KCNH8: variants seen among roughly 807,000 people sequenced by gnomAD.
The protein encoded by KCNH8 is voltage-gated delayed rectifier potassium channel KCNH8.
Under a neutral mutation model 103.6 loss-of-function variants are expected in KCNH8, and 70 were observed. The ratio of observed to expected loss-of-function variants is 0.68; its 90% CI spans 0.56 to 0.82. The LOEUF (loss-of-function observed/expected upper bound fraction) is 0.82. Ranked by LOEUF, KCNH8 falls within the 40% of genes least tolerant of loss-of-function variation. The pLI is 0.00. For synonymous variants in KCNH8, 498 were observed against 489.4 expected (o/e 1.02, Z -0.23); for missense variants, 1,217 against 1,329.9 (o/e 0.92, Z 1.32).
chr3:19,433,972 T>C (rs987577488), intron 7 of KCNH8, among the ~76,000 whole-genome samples: 3 of 152,168 alleles, frequency 2.0e-5, no homozygotes, highest in African/African-American at 7.2e-5. Context: ...GAAAAATTTA[T>C]AGTTTAGTTA....
chr3:19,308,469 A>C (rs1057097270), intron 3 of KCNH8, among the ~76,000 whole-genome samples: 6 of 151,880 alleles, frequency 4.0e-5, no homozygotes, highest in Non-Finnish European at 8.8e-5. Context: ...AGGTTTGTCC[A>C]TTCAAAAAAA....
intron 7 of KCNH8, among the ~76,000 whole-genome samples, chr3:19,418,820 AGC>A (rs1179444213): frequency 6.6e-6 from 1 of 152,256 alleles, no homozygotes; most frequent in African/African-American, 2.4e-5. Flanking sequence ...GTTTTCATCC[AGC>A]TGCACATTCT....
intron 1 of KCNH8, among the ~76,000 whole-genome samples, chr3:19,213,763 T>C (rs529835432): frequency 6.6e-6 from 1 of 152,172 alleles, no homozygotes; most frequent in Non-Finnish European, 1.5e-5. Flanking sequence ...TCGTTCTCAG[T>C]AGAGGGTGCT....
At chr3:19,380,808 T>C (rs557611243) in intron 5 of KCNH8, among the ~76,000 whole-genome samples, 2 of 152,338 alleles carry the variant, frequency 1.3e-5, no homozygotes, top group African/African-American at 4.8e-5. Flanking sequence ...ATTGATCTTT[T>C]TGTGATTTTA....
intron 1 of KCNH8, among the ~76,000 whole-genome samples, chr3:19,176,953 A>G (rs187260626): frequency 6.6e-5 from 10 of 152,262 alleles, no homozygotes; most frequent in Admixed American, 6.5e-4. Flanking sequence ...CAACTTTAAT[A>G]TATATTTTTG....
At chr3:19,255,916 T>A (rs977566295) in intron 2 of KCNH8, among the ~76,000 whole-genome samples, 1 of 152,174 alleles carries the variant, frequency 6.6e-6, no homozygotes, top group African/African-American at 2.4e-5. Flanking sequence ...AACCTGGGTA[T>A]GTTTACAGAT....
chr3:19,258,908 TCTC>T (rs1559446766), intron 2 of KCNH8, among the ~76,000 whole-genome samples: 6 of 27,964 alleles, frequency 2.1e-4, no homozygotes, highest in South Asian at 1.7e-3. Context: ...TTTCTGTTTC[TCTC>T]TCTCTCTCTC....
At position 19,477,760 on chromosome 3, in the gene KCNH8, T is replaced by A. The variant is rs2068006626; in HGVS notation, c.2040+20778T>A. ...CTTACTATGAGTTATCAAATACATC[T>A]TCTTCTTTAAATCTATTTATTTATT... is the stretch of plus-strand genomic sequence containing the variant. On this transcript the variant is annotated intron_variant, in intron 11 of 15. Transcript: ENST00000328405. Among the ~76,000 whole-genome samples, 4 of 152,218 alleles carry A rather than the reference T, an allele frequency of 2.6e-5. No individual in the cohort carries two copies. The South Asian group carries it at 8.3e-4, about 32-fold the overall frequency.
chr3:19,413,478 G>A (rs186798551), intron 7 of KCNH8, among the ~76,000 whole-genome samples: 51 of 152,016 alleles, frequency 3.4e-4, no homozygotes, highest in African/African-American at 1.1e-3. Flanking sequence ...CTCAAACCTC[G>A]GAGTCATGGG....
At chr3:19,481,656 T>C (rs1032758633) in intron 11 of KCNH8, among the ~76,000 whole-genome samples, 3 of 152,220 alleles carry the variant, frequency 2.0e-5, no homozygotes, top group African/African-American at 4.8e-5. Context: ...GAAAAATCTA[T>C]GACACAGAAA....
intron 3 of KCNH8, among the ~76,000 whole-genome samples, chr3:19,330,434 T>A (rs1178595333): frequency 2.0e-5 from 3 of 152,222 alleles, no homozygotes; most frequent in African/African-American, 7.2e-5. Context: ...TCTCACAGTA[T>A]CTTCCTTGTA....
At chr3:19,285,701 TAA>T (rs200066593) in intron 3 of KCNH8, among the ~76,000 whole-genome samples, 28 of 133,240 alleles carry the variant, frequency 2.1e-4, no homozygotes, top group African/African-American at 2.4e-4. Flanking sequence ...GTTGACATAG[TAA>T]AAAAAAAAAA....
At chr3:19,304,449 A>T (rs1331122952) in intron 3 of KCNH8, among the ~76,000 whole-genome samples, 2 of 152,134 alleles carry the variant, frequency 1.3e-5, no homozygotes, top group South Asian at 4.1e-4. Context: ...AACAAAGCTA[A>T]ATATTTAATA....
intron 3 of KCNH8, among the ~76,000 whole-genome samples, chr3:19,284,121 G>A (rs1355271911): frequency 1.3e-5 from 2 of 151,894 alleles, no homozygotes; most frequent in Non-Finnish European, 2.9e-5. Flanking sequence ...CCATGTAACT[G>A]TAGCAGTATT....
At chr3:19,492,229 T>G (rs1231557623) in intron 11 of KCNH8, among the ~76,000 whole-genome samples, 1 of 152,204 alleles carries the variant, frequency 6.6e-6, no homozygotes, top group Admixed American at 6.5e-5. Flanking sequence ...TTTTGGGGAC[T>G]TGGCAAAAAA....
chr3:19,339,978 A>G (rs1239064913), intron 3 of KCNH8, among the ~76,000 whole-genome samples: 1 of 152,030 alleles, frequency 6.6e-6, no homozygotes, highest in Non-Finnish European at 1.5e-5. Context: ...GGGACTCAAG[A>G]CCTATCTGAC....
chr3:19,515,298 G>T lies in KCNH8; in HGVS notation c.2436-24G>T, dbSNP rs79497517. 134 of 1,343,056 alleles carry T rather than the reference G, an allele frequency of 1.0e-4. No homozygotes were observed. The East Asian group carries it at 2.9e-3, about 29-fold the overall frequency. The allele number at this position is 1,343,056 out of a possible 1,614,324, so 83.2% of individuals were successfully genotyped here. A position where few individuals can be genotyped will look rare whatever the true frequency, so the allele number is the denominator to read the frequency against. On this transcript the variant is annotated intron_variant, in intron 13 of 15. Coordinates refer to ENST00000328405, the MANE Select transcript of KCNH8 (RefSeq NM_144633.3). ...ATCCATGAATATGAATCCACAGCCAGCCAATTTCCTTTATTTTAAGTAGGA... is the reference window on the plus strand; with the variant it reads ...ATCCATGAATATGAATCCACAGCCATCCAATTTCCTTTATTTTAAGTAGGA...
At chr3:19,518,847 C>A (rs1289683886) in intron 15 of KCNH8, among the ~76,000 whole-genome samples, 1 of 151,906 alleles carries the variant, frequency 6.6e-6, no homozygotes, top group African/African-American at 2.4e-5. Context: ...AAGATACTTT[C>A]TTGATTACTG....
At chr3:19,527,522 A>G (rs1276507098) in intron 15 of KCNH8, among the ~76,000 whole-genome samples, 1 of 152,086 alleles carries the variant, frequency 6.6e-6, no homozygotes, top group African/African-American at 2.4e-5. Flanking sequence ...TATGACACAG[A>G]GGAGGGTGAG....
Sources: gnomAD v4.1 joint callset for allele counts (sites outside exome capture counted in the v4.1 genomes callset) on GRCh38, gnomAD v4.1.1 for gene constraint, MANE v1.5 for transcripts, NCBI Gene and HGNC (gene_info 2026-07-23, HGNC 2026-07-21) for gene names.